The following ATP1B3 variants were observed in gnomAD, a reference collection of about 807,000 sequenced individuals.
ATP1B3 encodes the protein sodium/potassium-transporting ATPase subunit beta-3.
ATP1B3 carries 10 observed loss-of-function variants against 30.2 expected under a neutral mutation model. That is an observed-to-expected ratio of 0.33 (90% confidence interval 0.20 to 0.56). ATP1B3 has a LOEUF of 0.56. Among genes scored for constraint, ATP1B3 ranks in the 20% least tolerant of loss-of-function variants. The probability of loss-of-function intolerance (pLI) is 0.90; values close to 1 mark genes in which losing one functional copy is unlikely to be tolerated. For missense variants in ATP1B3, 238 were observed against 336.7 expected, an observed-to-expected ratio of 0.71 and a Z score of 2.29; for synonymous variants, 113 against 117.0, an observed-to-expected ratio of 0.97 and a Z score of 0.22.
At chr3:141,910,028 G>C (rs995719632) in intron 3 of ATP1B3, among the ~76,000 whole-genome samples, 2 of 152,126 alleles carry the variant, frequency 1.3e-5, no homozygotes, top group Non-Finnish European at 2.9e-5. Flanking sequence ...CTGTCACCCA[G>C]TGGCACAATC....
At chr3:141,903,057 T>TTCCTGGGCTAGTCCCAAC (rs1254482688) in intron 1 of ATP1B3, 2 of 153,686 alleles carry the variant, frequency 1.3e-5, no homozygotes, top group Non-Finnish European at 2.9e-5. Context: ...GACAAAGTGT[T>TTCCTGGGCTAGTCCCAAC]TCCTGGGCTA....
intron 1 of ATP1B3, among the ~76,000 whole-genome samples, chr3:141,896,827 G>T (rs1934075994): frequency 6.6e-6 from 1 of 152,008 alleles, no homozygotes; most frequent in Admixed American, 6.6e-5. Context: ...AGTGTTTTCA[G>T]GCATTGCTGT....
chr3:141,922,912 G>A (rs911358611), intron 6 of ATP1B3, among the ~76,000 whole-genome samples: 16 of 152,200 alleles, frequency 1.1e-4, no homozygotes, highest in African/African-American at 4.8e-5. Context: ...GTTACAGTGA[G>A]CCGAGATTGT....
intron 1 of ATP1B3, among the ~76,000 whole-genome samples, chr3:141,896,304 A>G (rs1284623666): frequency 6.8e-6 from 1 of 148,018 alleles, no homozygotes; most frequent in Non-Finnish European, 1.5e-5. Context: ...CCCCATCTCT[A>G]GTAAAATTAC....
At position 141,889,748 on chromosome 3, in the gene ATP1B3, A is replaced by ATAT. The variant is rs1211554880; in HGVS notation, c.109+12838_109+12839insTAT. Among the ~76,000 whole-genome samples, 135 of 81,428 alleles carry ATAT rather than the reference A, an allele frequency of 1.7e-3. 6 individuals carry two copies. Among genetic ancestry groups the ATAT allele is most frequent in the African/African-American group, 5.8e-3 (114 of 19,778 alleles). 53.4% of individuals were successfully genotyped at this position (81,428 alleles called of 152,430 possible). A position where few individuals can be genotyped will look rare whatever the true frequency, so the allele number is the denominator to read the frequency against. On this transcript the variant is annotated intron_variant, in intron 1 of 6. Coordinates refer to ENST00000286371, the MANE Select transcript of ATP1B3 (RefSeq NM_001679.4). ...CGTCTCAAAAAAAAAAAAAAAAAAA[A>ATAT]AAATATATACACACACACACACACA...
chr3:141,899,918 C>T (rs900584964), intron 1 of ATP1B3, among the ~76,000 whole-genome samples: 4 of 152,102 alleles, frequency 2.6e-5, no homozygotes, highest in Non-Finnish European at 5.9e-5. Context: ...GTAGTCCCAA[C>T]TTCTCAGGAA....
At chr3:141,908,810 T>C (rs1358437351) in intron 3 of ATP1B3, among the ~76,000 whole-genome samples, 2 of 152,260 alleles carry the variant, frequency 1.3e-5, no homozygotes, top group Non-Finnish European at 2.9e-5. Flanking sequence ...GATTTCTTGC[T>C]TCAAGAGATA....
intron 5 of ATP1B3, 156 bp from the exon 6 acceptor site, chr3:141,921,821 G>C: frequency 2.0e-6 from 1 of 490,354 alleles, no homozygotes; most frequent in Non-Finnish European, 3.6e-6. Context: ...AGATGAGCAA[G>C]CTTCTTCTCA....
intron 1 of ATP1B3, chr3:141,902,377 T>C: frequency 4.0e-6 from 2 of 494,978 alleles, no homozygotes; most frequent in Non-Finnish European, 6.8e-6. Context: ...ACAATCTGTT[T>C]TGGGGTCATG....
chr3:141,892,651 C>CAAA lies in ATP1B3; in HGVS notation c.110-10946_110-10944dup, dbSNP rs386398103. Reference sequence around the variant, plus strand: ...AGCCTGGGTGACAGTGAGACTGTCTCAAAAAAAAAAAAAAAAAAAAAAAAA... The same window carrying CAAA: ...AGCCTGGGTGACAGTGAGACTGTCTCAAAAAAAAAAAAAAAAAAAAAAAAAAAA... On this transcript the variant is annotated intron_variant, in intron 1 of 6. Coordinates refer to ENST00000286371, the MANE Select transcript of ATP1B3 (RefSeq NM_001679.4). Among the ~76,000 whole-genome samples the CAAA allele has an allele frequency of 3.4e-3, 236 of 69,994 alleles. 6 individuals are homozygous for CAAA. The highest frequency in any genetic ancestry group is 0.015 in the East Asian group (31 of 2,118). The allele number at this position is 69,994 out of a possible 152,430, so 45.9% of individuals were successfully genotyped here.
chr3:141,904,949 G>A (rs947482635), intron 2 of ATP1B3, among the ~76,000 whole-genome samples: 1 of 151,924 alleles, frequency 6.6e-6, no homozygotes, highest in Non-Finnish European at 1.5e-5. Context: ...GACCTCAGGC[G>A]ATCCACCCGC....
At chr3:141,894,457 G>A (rs937099070) in intron 1 of ATP1B3, among the ~76,000 whole-genome samples, 4 of 151,826 alleles carry the variant, frequency 2.6e-5, no homozygotes, top group African/African-American at 9.7e-5. Flanking sequence ...CATACCCAGC[G>A]ACTTTATATA....
intron 1 of ATP1B3, among the ~76,000 whole-genome samples, chr3:141,898,992 A>G (rs1934116076): frequency 6.6e-6 from 1 of 152,242 alleles, no homozygotes; most frequent in Admixed American, 6.5e-5. Flanking sequence ...AAAGCCATGT[A>G]TTACATGATT....
intron 1 of ATP1B3, among the ~76,000 whole-genome samples, chr3:141,884,816 C>A (rs191433623): frequency 3.7e-4 from 57 of 152,240 alleles, no homozygotes; most frequent in Non-Finnish European, 6.0e-4. Flanking sequence ...CCCTCTAGGC[C>A]CTGACTAATG....
chr3:141,916,737 T>C (rs982939176), intron 5 of ATP1B3, among the ~76,000 whole-genome samples: 18 of 152,234 alleles, frequency 1.2e-4, no homozygotes, highest in African/African-American at 3.9e-4. Flanking sequence ...GGACTTCTTA[T>C]TTGGGCAGAA....
intron 1 of ATP1B3, among the ~76,000 whole-genome samples, chr3:141,899,228 A>C (rs184299905): frequency 1.4e-4 from 22 of 152,358 alleles, no homozygotes; most frequent in African/African-American, 5.0e-4. Flanking sequence ...AATATTGTTA[A>C]AAATCAGTAT....
chr3:141,894,729 TG>T (rs1205201316), intron 1 of ATP1B3, among the ~76,000 whole-genome samples: 2 of 152,336 alleles, frequency 1.3e-5, no homozygotes, highest in African/African-American at 4.8e-5. Flanking sequence ...GGCTGTCCTC[TG>T]TGATGACAAT....
At chr3:141,902,182 C>G in intron 1 of ATP1B3, 1 of 1,289,796 alleles carries the variant, frequency 7.8e-7, no homozygotes, top group Non-Finnish European at 1.0e-6. Context: ...AGGTGACATC[C>G]TGTTCTCCTC....
intron 1 of ATP1B3, among the ~76,000 whole-genome samples, chr3:141,896,186 C>A (rs76369823): frequency 0.021 from 3,130 of 151,020 alleles, 110 homozygotes; most frequent in African/African-American, 0.071. Context: ...ATCCCCTTCT[C>A]GGCTGGGGAT....
Sources: gnomAD v4.1 joint callset for allele counts (sites outside exome capture counted in the v4.1 genomes callset) on GRCh38, gnomAD v4.1.1 for gene constraint, MANE v1.5 for transcripts, NCBI Gene and HGNC (gene_info 2026-07-23, HGNC 2026-07-21) for gene names.